KSR2: variants seen among roughly 807,000 people sequenced by gnomAD.
The protein encoded by KSR2 is kinase suppressor of ras 2.
A neutral mutation model predicts 107.8 loss-of-function variants in KSR2; 25 were observed. The ratio of observed to expected loss-of-function variants is 0.23; its 90% CI spans 0.17 to 0.32. KSR2 has a LOEUF of 0.32. Among genes scored for constraint, KSR2 ranks in the 10% least tolerant of loss-of-function variants. The pLI is 1.00. For missense variants in KSR2, 887 were observed against 1,268.9 expected, an observed-to-expected ratio of 0.70 and a Z score of 4.57; for synonymous variants, 480 against 507.0, an observed-to-expected ratio of 0.95 and a Z score of 0.71.
chr12:117,505,812 T>C (rs1157506305), intron 14 of KSR2, among the ~76,000 whole-genome samples: 1 of 152,226 alleles, frequency 6.6e-6, no homozygotes, highest in Non-Finnish European at 1.5e-5. Flanking sequence ...CTGTTCCTTA[T>C]ACCAAGAACA....
chr12:117,493,270 T>C (rs1872842549), intron 14 of KSR2, among the ~76,000 whole-genome samples: 1 of 152,130 alleles, frequency 6.6e-6, no homozygotes, highest in Non-Finnish European at 1.5e-5. Context: ...TCATTCTTCG[T>C]CCAGTACTAT....
At chr12:117,768,315 G>C (rs1889318289) in intron 3 of KSR2, among the ~76,000 whole-genome samples, 1 of 152,204 alleles carries the variant, frequency 6.6e-6, no homozygotes, top group African/African-American at 2.4e-5. Context: ...GGAGGGGCTG[G>C]TGCTTCTTTG....
intron 3 of KSR2, among the ~76,000 whole-genome samples, chr12:117,849,134 G>A (rs756619914): frequency 9.2e-5 from 14 of 152,222 alleles, no homozygotes; most frequent in Non-Finnish European, 1.6e-4. Flanking sequence ...GAAAGAGAAC[G>A]GAGGCTGCCC....
Position 117,968,306 on chromosome 12 carries a change from G to GT in KSR2, c.-52_-51insA, listed in dbSNP as rs1566105107. ...TCCTCCTCCTCCCAGAGAGAAAAAA[G>GT]AGGGGGGGGAGTAGAGGTAGTCTAC... is the stretch of plus-strand genomic sequence containing the variant. On this transcript the variant is annotated 5_prime_UTR_variant, in exon 1 of 20. Transcript: ENST00000339824. The GT allele has an allele frequency of 1.2e-4, 129 of 1,092,656 alleles. 3 individuals carry two copies. In the African/African-American group the frequency reaches 2.7e-3, roughly 22 times the overall value. 67.7% of individuals were successfully genotyped at this position (1,092,656 alleles called of 1,614,324 possible).
intron 1 of KSR2, among the ~76,000 whole-genome samples, chr12:117,942,658 T>A (rs543222914): frequency 8.3e-5 from 12 of 144,108 alleles, no homozygotes; most frequent in Admixed American, 1.4e-4. Flanking sequence ...CTGGCTAAAT[T>A]TTTTTTGTGT....
intron 3 of KSR2, among the ~76,000 whole-genome samples, chr12:117,765,454 A>G (rs190358331): frequency 9.6e-4 from 146 of 152,316 alleles, no homozygotes; most frequent in African/African-American, 2.2e-3. Context: ...CCTGAGCTTC[A>G]GTTTGGGGGC....
intron 1 of KSR2, among the ~76,000 whole-genome samples, chr12:117,917,391 A>G (rs1244932109): frequency 6.6e-6 from 1 of 151,870 alleles, no homozygotes; most frequent in Non-Finnish European, 1.5e-5. Flanking sequence ...ATTTTTTTTT[A>G]ATTAGTTGGG....
chr12:117,819,739 A>G (rs1370023865), intron 3 of KSR2, among the ~76,000 whole-genome samples: 26 of 152,352 alleles, frequency 1.7e-4, no homozygotes, highest in Non-Finnish European at 8.8e-5. Flanking sequence ...ACCAAAAAGC[A>G]TAATATAACC....
intron 1 of KSR2, among the ~76,000 whole-genome samples, chr12:117,908,945 A>G (rs369838483): frequency 7.9e-5 from 12 of 152,126 alleles, no homozygotes; most frequent in African/African-American, 2.9e-4. Flanking sequence ...GCCTTTGAAG[A>G]CCTCTAGTCC....
At chr12:117,954,687 G>A (rs564984894) in intron 1 of KSR2, among the ~76,000 whole-genome samples, 162 of 152,262 alleles carry the variant, frequency 1.1e-3, no homozygotes, top group African/African-American at 3.9e-3. Context: ...AATCTGCAGT[G>A]GGGATGATCA....
intron 5 of KSR2, among the ~76,000 whole-genome samples, chr12:117,645,536 A>G (rs1883577935): frequency 6.6e-6 from 1 of 152,172 alleles, no homozygotes; most frequent in Non-Finnish European, 1.5e-5. Flanking sequence ...CCTGAATCCC[A>G]ACTTCAACCA....
chr12:117,560,179 C>T (rs570512249), intron 7 of KSR2, among the ~76,000 whole-genome samples: 29 of 152,238 alleles, frequency 1.9e-4, no homozygotes, highest in Admixed American at 8.5e-4. Flanking sequence ...GGCCCCCTGG[C>T]AGATCTGCTG....
chr12:117,837,485 C>A (rs1373515039), intron 3 of KSR2, among the ~76,000 whole-genome samples: 1 of 152,148 alleles, frequency 6.6e-6, no homozygotes, highest in Non-Finnish European at 1.5e-5. Flanking sequence ...CAAGAAAACA[C>A]TGGGAGGAAA....
intron 5 of KSR2, among the ~76,000 whole-genome samples, chr12:117,608,027 C>G (rs953786499): frequency 1.3e-5 from 2 of 152,160 alleles, no homozygotes; most frequent in African/African-American, 2.4e-5. Context: ...GACAACCACC[C>G]CTTGAGGGGA....
intron 5 of KSR2, among the ~76,000 whole-genome samples, chr12:117,597,817 T>C (rs1276201396): frequency 2.0e-5 from 3 of 152,172 alleles, no homozygotes; most frequent in Admixed American, 6.5e-5. Flanking sequence ...CTCTTTCAAA[T>C]AACATGCATA....
intron 3 of KSR2, among the ~76,000 whole-genome samples, chr12:117,776,147 A>T (rs528082922): frequency 3.3e-5 from 5 of 152,256 alleles, no homozygotes; most frequent in African/African-American, 1.2e-4. Flanking sequence ...TTCCAGGTCC[A>T]TCCATCCATC....
chr12:117,496,052 C>CAA (rs33974181), intron 14 of KSR2, among the ~76,000 whole-genome samples: 13 of 113,220 alleles, frequency 1.1e-4, no homozygotes, highest in Admixed American at 1.8e-4. Context: ...GACTCCGTCT[C>CAA]AAAAAAAAAA....
chr12:117,715,275 T>TC, intron 4 of KSR2, among the ~76,000 whole-genome samples: 1 of 152,264 alleles, frequency 6.6e-6, no homozygotes, highest in East Asian at 1.9e-4. Context: ...CACCCGGGGA[T>TC]CCCTGCAGCA....
intron 3 of KSR2, among the ~76,000 whole-genome samples, chr12:117,784,204 C>T (rs1019365353): frequency 3.3e-5 from 5 of 152,150 alleles, no homozygotes; most frequent in South Asian, 4.2e-4. Context: ...TGTCATAATC[C>T]CTACATGTCA....
Sources: allele counts gnomAD v4.1 joint callset (sites outside exome capture counted in the v4.1 genomes callset), GRCh38; gene constraint gnomAD v4.1.1; transcripts MANE v1.5; gene names NCBI Gene and HGNC (gene_info 2026-07-23, HGNC 2026-07-21).